Variants in VPS53 observed in about 807,000 individuals in gnomAD.
VPS53 encodes VPS53 subunit of GARP complex.
A neutral mutation model predicts 107.0 loss-of-function variants in VPS53; 70 were observed. That is an observed-to-expected ratio of 0.65 (90% CI 0.54 to 0.80). The LOEUF (loss-of-function observed/expected upper bound fraction) is 0.80. Ranked by LOEUF, VPS53 falls within the 30% of genes least tolerant of loss-of-function variation. The probability of loss-of-function intolerance (pLI) is 0.00; values close to 1 mark genes in which losing one functional copy is unlikely to be tolerated. For missense variants in VPS53, 917 were observed against 1,049.4 expected (o/e 0.87, Z 1.74); for synonymous variants, 409 against 393.3 (o/e 1.04, Z -0.47).
chr17:556,374 A>G (rs1464480934), intron 15 of VPS53, among the ~76,000 whole-genome samples: 3 of 152,242 alleles, frequency 2.0e-5, no homozygotes, highest in African/African-American at 7.2e-5. Flanking sequence ...TGTAACAAAT[A>G]TTTCATATCA....
chr17:694,107 T>C (rs370549269), intron 4 of VPS53, among the ~76,000 whole-genome samples: 4 of 152,200 alleles, frequency 2.6e-5, no homozygotes, highest in African/African-American at 9.7e-5. Context: ...CAGTTTGCAT[T>C]ACAAAGTGCT....
At chr17:657,432 C>G in intron 5 of VPS53, 2 of 927,478 alleles carry the variant, frequency 2.2e-6, no homozygotes, top group Non-Finnish European at 3.6e-6. Context: ...AAGACACTCT[C>G]TCAACTTGTG....
intron 4 of VPS53, among the ~76,000 whole-genome samples, chr17:683,828 A>G (rs1972488961): frequency 6.6e-6 from 1 of 152,234 alleles, no homozygotes; most frequent in East Asian, 1.9e-4. Context: ...GCAAGACCCC[A>G]TCTCTAAAAA....
intron 12 of VPS53, among the ~76,000 whole-genome samples, chr17:588,348 T>C (rs893852520): frequency 6.6e-6 from 1 of 150,554 alleles, no homozygotes; most frequent in African/African-American, 2.4e-5. Context: ...CAAAAAAGAA[T>C]ACTTAACATA....
chr17:634,838 T>G (rs1274483546), intron 7 of VPS53, among the ~76,000 whole-genome samples: 1 of 151,094 alleles, frequency 6.6e-6, no homozygotes, highest in Non-Finnish European at 1.5e-5. Flanking sequence ...CTATTGTGAA[T>G]AGTGCCGCAA....
chr17:654,659 C>T (rs1013291707), intron 6 of VPS53, among the ~76,000 whole-genome samples: 1 of 150,986 alleles, frequency 6.6e-6, no homozygotes, highest in South Asian at 2.1e-4. Flanking sequence ...ATGGCGGGAA[C>T]CCGGGAGGCG....
intron 15 of VPS53, among the ~76,000 whole-genome samples, chr17:555,523 G>A (rs546157891): frequency 5.3e-5 from 8 of 151,812 alleles, no homozygotes; most frequent in Admixed American, 4.6e-4. Flanking sequence ...TAGTAGAGAC[G>A]GGGGTTTTAC....
chr17:713,524 T>C (rs1973718563), intron 1 of VPS53, among the ~76,000 whole-genome samples: 1 of 149,978 alleles, frequency 6.7e-6, no homozygotes, highest in African/African-American at 2.5e-5. Context: ...ATGGTAGCGG[T>C]TGCCTGTAGT....
chr17:526,316 G>A (rs1451799500), intron 19 of VPS53, among the ~76,000 whole-genome samples: 1 of 152,084 alleles, frequency 6.6e-6, no homozygotes, highest in East Asian at 1.9e-4. Context: ...ATAAATAATT[G>A]TACAGTCTTA....
intron 4 of VPS53, among the ~76,000 whole-genome samples, chr17:696,291 G>A (rs916791706): frequency 1.3e-5 from 2 of 152,178 alleles, no homozygotes; most frequent in African/African-American, 4.8e-5. Flanking sequence ...AGATGTAAAA[G>A]AAAGAGACTC....
At chr17:692,565 A>G (rs1184258694) in intron 4 of VPS53, among the ~76,000 whole-genome samples, 1 of 152,246 alleles carries the variant, frequency 6.6e-6, no homozygotes, top group Non-Finnish European at 1.5e-5. Flanking sequence ...TGACCTAATT[A>G]TGCCTTCAAT....
intron 7 of VPS53, among the ~76,000 whole-genome samples, chr17:645,010 G>C (rs915687953): frequency 1.3e-5 from 2 of 152,216 alleles, no homozygotes; most frequent in South Asian, 2.1e-4. Context: ...ATGTGATAAT[G>C]AATGTTTGGA....
chr17:620,822 G>A (rs1017425928), intron 11 of VPS53, among the ~76,000 whole-genome samples: 1 of 151,944 alleles, frequency 6.6e-6, no homozygotes, highest in African/African-American at 2.4e-5. Flanking sequence ...TAGCCAGGCT[G>A]CTCTCAAACT....
intron 15 of VPS53, among the ~76,000 whole-genome samples, chr17:555,760 T>C (rs1376271674): frequency 6.6e-6 from 1 of 152,184 alleles, no homozygotes; most frequent in African/African-American, 2.4e-5. Flanking sequence ...CAAAACATCA[T>C]TATGATGTAG....
intron 11 of VPS53, among the ~76,000 whole-genome samples, chr17:613,275 TAC>T (rs1301938340): frequency 2.1e-5 from 3 of 145,538 alleles, no homozygotes; most frequent in Admixed American, 1.4e-4. Flanking sequence ...TGAAAACCTG[TAC>T]AGATATTCAC....
intron 4 of VPS53, among the ~76,000 whole-genome samples, chr17:679,817 G>C (rs190943620): frequency 1.3e-5 from 2 of 151,964 alleles, no homozygotes; most frequent in Non-Finnish European, 2.9e-5. Flanking sequence ...TGGTCTCTGC[G>C]GTTGCAAAAA....
intron 17 of VPS53, among the ~76,000 whole-genome samples, chr17:550,288 G>A (rs1217722864): frequency 6.6e-6 from 1 of 152,156 alleles, no homozygotes; most frequent in Non-Finnish European, 1.5e-5. Flanking sequence ...ACTGCCCTCT[G>A]GTACTGGCCA....
intron 12 of VPS53, among the ~76,000 whole-genome samples, chr17:589,389 G>C (rs1022546518): frequency 6.6e-6 from 1 of 151,802 alleles, no homozygotes; most frequent in Non-Finnish European, 1.5e-5. Context: ...TTCTGATTTT[G>C]ATCTATGGTA....
intron 10 of VPS53, 135 bp downstream of exon 10, chr17:627,039 C>T (rs1422985068): frequency 4.2e-6 from 5 of 1,188,812 alleles, no homozygotes; most frequent in South Asian, 1.7e-5. Context: ...CTGTGGGGTA[C>T]GAGGATGATA....
Sources: gnomAD v4.1 joint callset for allele counts (sites outside exome capture counted in the v4.1 genomes callset) on GRCh38, gnomAD v4.1.1 for gene constraint, MANE v1.5 for transcripts, NCBI Gene and HGNC (gene_info 2026-07-23, HGNC 2026-07-21) for gene names.